ACOXL: variants seen among roughly 807,000 people sequenced by gnomAD.
The protein encoded by ACOXL is acyl-coenzyme A oxidase-like protein.
ACOXL carries 70 observed loss-of-function variants against 71.9 expected under a neutral mutation model. That is an observed-to-expected ratio of 0.97 (90% CI 0.80 to 1.19). ACOXL has a LOEUF of 1.19. Ranked by LOEUF, ACOXL falls within the 50% of genes most tolerant of loss-of-function variation. The pLI is 0.00. For synonymous variants in ACOXL, 253 were observed against 281.6 expected (o/e 0.90, Z 1.02); for missense variants, 703 against 736.3 (o/e 0.95, Z 0.52).
chr2:111,019,194 G>A (rs1304659023), intron 14 of ACOXL, among the ~76,000 whole-genome samples: 3 of 152,226 alleles, frequency 2.0e-5, no homozygotes, highest in Non-Finnish European at 2.9e-5. Flanking sequence ...TTTGGTGCCT[G>A]TAAAATCTAT....
At chr2:110,875,193 A>G (rs1414766551) in intron 10 of ACOXL, among the ~76,000 whole-genome samples, 2 of 152,178 alleles carry the variant, frequency 1.3e-5, no homozygotes, top group Non-Finnish European at 2.9e-5. Context: ...TTTCACAGGG[A>G]CAAAGGATGG....
chr2:111,070,462 CAT>C (rs2067288815), intron 16 of ACOXL, among the ~76,000 whole-genome samples: 1 of 152,078 alleles, frequency 6.6e-6, no homozygotes, highest in East Asian at 1.9e-4. Context: ...CACATGGACA[CAT>C]AGAGAGGAAC....
intron 10 of ACOXL, among the ~76,000 whole-genome samples, chr2:110,876,308 C>T (rs1416635274): frequency 6.6e-6 from 1 of 152,164 alleles, no homozygotes; most frequent in Non-Finnish European, 1.5e-5. Context: ...ATGAGGTGGG[C>T]CAGCCACGGT....
rs368367324 is a variant in ACOXL, at chr2:110,963,728, A to T, written c.1060-23380A>T. 11 of 1,613,492 alleles carry T rather than the reference A, an allele frequency of 6.8e-6. No individual in the cohort carries two copies. In the Middle Eastern group the frequency reaches 8.2e-4, roughly 121 times the overall value. On this transcript the variant is annotated intron_variant, in intron 12 of 17. Transcript: ENST00000439055. ...TTATGCTTCAGGTAAGATTCGGGAA[A>T]TGTTTTCAAGATCAAGAGTTATCCA...
At chr2:110,935,948 T>G (rs1322318034) in intron 12 of ACOXL, among the ~76,000 whole-genome samples, 1 of 152,120 alleles carries the variant, frequency 6.6e-6, no homozygotes, top group African/African-American at 2.4e-5. Context: ...AGCGTGCAGA[T>G]CTCTCACATG....
intron 15 of ACOXL, among the ~76,000 whole-genome samples, chr2:111,032,014 A>G (rs908859133): frequency 1.3e-5 from 2 of 152,188 alleles, no homozygotes; most frequent in African/African-American, 4.8e-5. Flanking sequence ...AGTTGGCAAA[A>G]TGCCTGTCCC....
intron 1 of ACOXL, among the ~76,000 whole-genome samples, chr2:110,736,889 G>C (rs1676925214): frequency 6.6e-6 from 1 of 152,118 alleles, no homozygotes; most frequent in Admixed American, 6.6e-5. Flanking sequence ...CAAAGTGCTG[G>C]GATTACAGGC....
chr2:110,953,419 C>G (rs2061394598), intron 12 of ACOXL, among the ~76,000 whole-genome samples: 1 of 151,960 alleles, frequency 6.6e-6, no homozygotes, highest in Non-Finnish European at 1.5e-5. Flanking sequence ...ATGGCCTGCT[C>G]TGTGGTCTAG....
At chr2:110,892,696 T>C (rs1165149585) in intron 10 of ACOXL, among the ~76,000 whole-genome samples, 1 of 152,064 alleles carries the variant, frequency 6.6e-6, no homozygotes, top group Non-Finnish European at 1.5e-5. Flanking sequence ...AAATCAAAGA[T>C]GAAAAAGGGA....
chr2:110,739,643 C>T (rs967039295), intron 1 of ACOXL, among the ~76,000 whole-genome samples: 7 of 152,244 alleles, frequency 4.6e-5, no homozygotes, highest in African/African-American at 1.7e-4. Flanking sequence ...CCATGCCACC[C>T]TCTCCTAACA....
At chr2:110,970,268 A>G (rs2062124547) in intron 12 of ACOXL, among the ~76,000 whole-genome samples, 1 of 152,238 alleles carries the variant, frequency 6.6e-6, no homozygotes, top group Non-Finnish European at 1.5e-5. Flanking sequence ...GAATCTGGTA[A>G]TGCACAAAAT....
chr2:110,790,170 A>T (rs1303113947), intron 3 of ACOXL, among the ~76,000 whole-genome samples: 3 of 152,120 alleles, frequency 2.0e-5, no homozygotes, highest in Non-Finnish European at 4.4e-5. Flanking sequence ...AATGGTGGGG[A>T]CTGTAACCTC....
intron 9 of ACOXL, among the ~76,000 whole-genome samples, chr2:110,833,374 A>G (rs1559320866): frequency 6.6e-6 from 1 of 152,340 alleles, no homozygotes; most frequent in Middle Eastern, 3.4e-3. Flanking sequence ...TGACAAAATT[A>G]TGGAAACGGA....
rs1440373125 is a variant in ACOXL, at chr2:110,924,187, G to A, written c.906-9302G>A. On this transcript the variant is annotated intron_variant, in intron 11 of 17. Coordinates refer to ENST00000439055, the MANE Select transcript of ACOXL (RefSeq NM_001142807.4). The stretch of plus-strand genomic sequence containing the variant: ...CTTTATGCTAAAAAAAGACTAATGA[G>A]CATCTAAGCCTTCAGTGAGTTACTC... 3.3e-5 allele frequency among the ~76,000 whole-genome samples: 5 copies of A among 152,284 alleles called. 1 individual carries two copies. The East Asian group carries it at 7.7e-4, about 23-fold the overall frequency.
chr2:111,092,967 G>T lies in ACOXL; in HGVS notation c.1542+1G>T, dbSNP rs1558961201. The T allele has an allele frequency of 6.2e-7, 1 of 1,613,458 alleles. No homozygotes were observed. Among genetic ancestry groups the T allele is most frequent in the Non-Finnish European group, 8.5e-7 (1 of 1,179,482 alleles). On this transcript the variant is annotated splice_donor_variant, in intron 17 of 17. Coordinates refer to ENST00000439055, the MANE Select transcript of ACOXL (RefSeq NM_001142807.4). LOFTEE classifies it high-confidence loss of function. ...GGCCAGCACGAGGATCAGGAATCAG[G>T]TAAGGTCCCTGGGGTACAGAAAAAC... is the stretch of plus-strand genomic sequence containing the variant.
chr2:111,092,503 GTGGACTTTGCTGTA>G (rs766993769), intron 16 of ACOXL, among the ~76,000 whole-genome samples: 1 of 152,114 alleles, frequency 6.6e-6, no homozygotes. Flanking sequence ...TATCTTTCAC[GTGGACTTTGCTGTA>G]TGGACTTTGC....
intron 11 of ACOXL, among the ~76,000 whole-genome samples, chr2:110,918,378 CCCTT>C (rs1334862834): frequency 6.6e-6 from 1 of 152,076 alleles, no homozygotes; most frequent in East Asian, 1.9e-4. Flanking sequence ...GAAACTGGAC[CCCTT>C]CCTTACACCT....
intron 9 of ACOXL, among the ~76,000 whole-genome samples, chr2:110,821,417 G>A (rs1688587560): frequency 6.6e-6 from 1 of 152,138 alleles, no homozygotes; most frequent in South Asian, 2.1e-4. Context: ...ACCCCTATAT[G>A]CAGCGGGGCC....
chr2:110,871,284 A>C (rs902477938), intron 10 of ACOXL, among the ~76,000 whole-genome samples: 2 of 152,058 alleles, frequency 1.3e-5, no homozygotes, highest in African/African-American at 4.8e-5. Flanking sequence ...TCTGTTGTGA[A>C]AGAGGCACAC....
Sources: allele counts gnomAD v4.1 joint callset (sites outside exome capture counted in the v4.1 genomes callset), GRCh38; gene constraint gnomAD v4.1.1; transcripts MANE v1.5; gene names NCBI Gene and HGNC (gene_info 2026-07-23, HGNC 2026-07-21).